The following PRR5L variants were observed in gnomAD, a reference collection of about 807,000 sequenced individuals.
The protein encoded by PRR5L is proline-rich protein 5-like.
PRR5L carries 21 observed loss-of-function variants against 36.4 expected under a neutral mutation model. The observed-to-expected ratio is 0.58, with a 90% confidence interval of 0.41 to 0.83. PRR5L has a LOEUF of 0.83. Among genes scored for constraint, PRR5L ranks in the 40% least tolerant of loss-of-function variants. The pLI is 0.00. For synonymous variants in PRR5L, 188 were observed against 197.0 expected (o/e 0.95, Z 0.38); for missense variants, 381 against 473.3 (o/e 0.80, Z 1.81).
intron 4 of PRR5L, among the ~76,000 whole-genome samples, chr11:36,420,935 C>CATTT (rs1390690505): frequency 2.0e-5 from 3 of 151,714 alleles, no homozygotes; most frequent in Non-Finnish European, 4.4e-5. Context: ...GGAATTCAAT[C>CATTT]GGGTCATATG....
At chr11:36,333,021 T>C (rs540344782) in intron 1 of PRR5L, among the ~76,000 whole-genome samples, 20 of 152,362 alleles carry the variant, frequency 1.3e-4, no homozygotes, top group Non-Finnish European at 2.4e-4. Context: ...TCTACCATCA[T>C]CTGTTGTCTG....
At chr11:36,385,987 C>T (rs1477995369) in intron 1 of PRR5L, among the ~76,000 whole-genome samples, 1 of 152,194 alleles carries the variant, frequency 6.6e-6, no homozygotes, top group Non-Finnish European at 1.5e-5. Context: ...GGAAGTGCAC[C>T]TTTCATTCCA....
chr11:36,326,455 C>A (rs562276179), intron 1 of PRR5L, among the ~76,000 whole-genome samples: 19 of 152,120 alleles, frequency 1.2e-4, no homozygotes, highest in African/African-American at 4.6e-4. Context: ...CCAAAAAAAT[C>A]TTTTAGCACT....
intron 1 of PRR5L, among the ~76,000 whole-genome samples, chr11:36,298,507 T>A (rs1363142030): frequency 6.6e-6 from 1 of 152,168 alleles, no homozygotes; most frequent in East Asian, 1.9e-4. Context: ...ACCCCTCACA[T>A]GCGCAGTTCA....
intron 1 of PRR5L, among the ~76,000 whole-genome samples, chr11:36,395,740 GA>G (rs1469032155): frequency 6.6e-6 from 1 of 151,848 alleles, no homozygotes; most frequent in African/African-American, 2.4e-5. Context: ...TTTTTTAATA[GA>G]AACAGGGTTT....
At position 36,413,307 on chromosome 11, in the gene PRR5L, C is replaced by T. The variant is rs61084534; in HGVS notation, c.246-5948C>T. On this transcript the variant is annotated intron_variant, in intron 3 of 8. Coordinates refer to ENST00000530639, the MANE Select transcript of PRR5L (RefSeq NM_001160167.2). ...TGAGGCAGGTCTGGATTGGTGGATT[C>T]CCAGGACTTGTGGGATTCTCTGTTA... Among the ~76,000 whole-genome samples the T allele has an allele frequency of 5.4e-3, 815 of 152,230 alleles. 7 individuals carry two copies. Among genetic ancestry groups the T allele is most frequent in the African/African-American group, 0.018 (768 of 41,538 alleles).
chr11:36,314,414 AG>A (rs1439478892), intron 1 of PRR5L, among the ~76,000 whole-genome samples: 1 of 152,172 alleles, frequency 6.6e-6, no homozygotes. Flanking sequence ...TAAGCTGGTG[AG>A]GTCTGAGGAG....
chr11:36,401,090 C>G lies in PRR5L; in HGVS notation c.-32C>G, dbSNP rs750002750. The G allele has an allele frequency of 6.2e-7, 1 of 1,611,574 alleles. No individual in the cohort carries two copies. The highest frequency in any genetic ancestry group is 1.3e-5 in the African/African-American group (1 of 74,890). On this transcript the variant is annotated 5_prime_UTR_variant, in exon 2 of 9. Coordinates refer to ENST00000530639, the MANE Select transcript of PRR5L (RefSeq NM_001160167.2). ...CGAGGGCATTCGGAACCTTCTGGTC[C>G]TAGAGGTGAAGCTGAACTGTCACCA...
intron 1 of PRR5L, among the ~76,000 whole-genome samples, chr11:36,330,329 C>T (rs1856705951): frequency 6.6e-6 from 1 of 152,168 alleles, no homozygotes; most frequent in African/African-American, 2.4e-5. Flanking sequence ...AAAATTTTAA[C>T]TCTTCTTCAT....
chr11:36,352,440 A>G (rs1856985156), intron 1 of PRR5L, among the ~76,000 whole-genome samples: 1 of 152,026 alleles, frequency 6.6e-6, no homozygotes, highest in Non-Finnish European at 1.5e-5. Context: ...GAAGCTTTTT[A>G]GTTAATTGAG....
intron 1 of PRR5L, among the ~76,000 whole-genome samples, chr11:36,329,884 C>G (rs1856701523): frequency 6.6e-6 from 1 of 152,142 alleles, no homozygotes; most frequent in South Asian, 2.1e-4. Flanking sequence ...GGCTGGGAAC[C>G]CTGTAGTCCA....
At chr11:36,460,550 C>A (rs575088907) in intron 8 of PRR5L, among the ~76,000 whole-genome samples, 26 of 152,234 alleles carry the variant, frequency 1.7e-4, no homozygotes, top group Non-Finnish European at 2.9e-4. Flanking sequence ...CACAACTCCA[C>A]TTCCTTTCCT....
At position 36,377,705 on chromosome 11, in the gene PRR5L, TG is replaced by T. The variant is rs1344227330; in HGVS notation, c.-125-23291del. The T allele has an allele frequency of 2.6e-5, 4 of 152,560 alleles. No individual in the cohort carries two copies. The highest frequency in any genetic ancestry group is 9.6e-5 in the African/African-American group (4 of 41,482). The allele number at this position is 152,560 out of a possible 1,614,324, so 9.5% of individuals were successfully genotyped here. ...CCCGCGGTGCCGGGAGCCCGCGTTT[TG>T]TTTGTCAGCAGTTAGGCGGTGAGTA... On this transcript the variant is annotated intron_variant, in intron 1 of 8. Transcript: ENST00000530639. The surrounding 1 kb of genome is among the most constrained non-coding windows in gnomAD (Gnocchi z 5.1).
intron 4 of PRR5L, chr11:36,425,694 A>G (rs1317539524): frequency 1.3e-5 from 2 of 152,116 alleles, no homozygotes; most frequent in Admixed American, 6.5e-5. Context: ...GCTTATTAGG[A>G]ACTCTCTGGG....
In PRR5L at chr11:36,446,392, C is replaced by G. The variant is rs1188795505; in HGVS notation, c.537C>G (p.Ala179=). ...AGCTGGGTGACCTGCTGCTGCTGGC[C>G]CAGTCCAAGCTGCCCTCGTCCATTG... ...KVKLGDLLLL[A]QSKLPSSIVQ... The change falls in exon 7 of 9, where the codon GCC becomes GCG. Residue 179 remains alanine (A), a synonymous_variant. Coordinates refer to ENST00000530639, the MANE Select transcript of PRR5L (RefSeq NM_001160167.2). The G allele has an allele frequency of 1.2e-6, 2 of 1,614,006 alleles. No homozygotes were observed. The highest frequency in any genetic ancestry group is 2.7e-5 in the African/African-American group (2 of 74,906).
chr11:36,429,972 G>T (rs1011306065), intron 4 of PRR5L, among the ~76,000 whole-genome samples: 3 of 152,220 alleles, frequency 2.0e-5, no homozygotes, highest in African/African-American at 7.2e-5. Context: ...GGAAGCTAAA[G>T]AACAGGTTAG....
rs575245313 is a variant in PRR5L, at chr11:36,463,714, C to T, written c.*978C>T. 1 of 152,526 alleles carries T rather than the reference C, an allele frequency of 6.6e-6. No homozygotes were observed. The highest frequency in any genetic ancestry group is 6.5e-5 in the Admixed American group (1 of 15,280). The allele number at this position is 152,526 out of a possible 1,614,324, so 9.4% of individuals were successfully genotyped here. A position where few individuals can be genotyped will look rare whatever the true frequency, so the allele number is the denominator to read the frequency against. On this transcript the variant is annotated 3_prime_UTR_variant, in exon 9 of 9. Coordinates refer to ENST00000530639, the MANE Select transcript of PRR5L (RefSeq NM_001160167.2). Reference sequence around the variant, plus strand: ...GTTCATTTTCAGTGGGGTGAGTCTTCACACTAAAAACACAAGCAGAGCTCC... The same window carrying T: ...GTTCATTTTCAGTGGGGTGAGTCTTTACACTAAAAACACAAGCAGAGCTCC...
chr11:36,322,243 ATCT>A (rs1400776652), intron 1 of PRR5L, among the ~76,000 whole-genome samples: 2 of 152,194 alleles, frequency 1.3e-5, no homozygotes, highest in African/African-American at 2.4e-5. Flanking sequence ...CAGTCAGAAA[ATCT>A]TCTGTGTGCC....
chr11:36,376,962 C>T (rs2133519809), intron 1 of PRR5L, among the ~76,000 whole-genome samples: 1 of 152,200 alleles, frequency 6.6e-6, no homozygotes, highest in Middle Eastern at 3.4e-3. Context: ...GGGCAGGCCA[C>T]GCTCCCGGTC....
Sources: allele counts gnomAD v4.1 joint callset (sites outside exome capture counted in the v4.1 genomes callset), GRCh38; gene constraint gnomAD v4.1.1; non-coding constraint Gnocchi (gnomAD v3.1); transcripts MANE v1.5; gene names NCBI Gene and HGNC (gene_info 2026-07-23, HGNC 2026-07-21).